LMX1B: variants seen among roughly 807,000 people sequenced by gnomAD.
LMX1B encodes the protein LIM homeobox transcription factor 1 beta, also known as LIM homeobox transcription factor 1-beta.
LMX1B carries 12 observed loss-of-function variants against 51.4 expected under a neutral mutation model. That is an observed-to-expected ratio of 0.23 (90% confidence interval 0.15 to 0.38). LMX1B has a LOEUF of 0.38. Ranked by LOEUF, LMX1B falls within the 10% of genes least tolerant of loss-of-function variation. The pLI, the probability that LMX1B is intolerant of heterozygous loss-of-function variation, is 1.00. For synonymous variants in LMX1B, 237 were observed against 235.4 expected (o/e 1.01, Z -0.06); for missense variants, 445 against 571.1 (o/e 0.78, Z 2.25).
In LMX1B at chr9:126,677,717, A is replaced by G. The variant is rs965875835; in HGVS notation, c.327-13119A>G. ...ACTGGTTCCCGTGAGTGTAACGTCT[A>G]GTAGGAGCGTCTGCCAGCTTCATTC... On this transcript the variant is annotated intron_variant, in intron 2 of 7. Transcript: ENST00000373474. This position sits in a 1 kb window ranked among gnomAD's most constrained non-coding sequence, Gnocchi z 5.0. Among the ~76,000 whole-genome samples the G allele has an allele frequency of 1.3e-5, 2 of 152,144 alleles. No individual in the cohort carries two copies. The highest frequency in any genetic ancestry group is 4.8e-5 in the African/African-American group (2 of 41,426).
chr9:126,616,413 G>C (rs927849431), intron 2 of LMX1B, among the ~76,000 whole-genome samples: 1 of 152,198 alleles, frequency 6.6e-6, no homozygotes, highest in Non-Finnish European at 1.5e-5. Flanking sequence ...GCCGGGGTTG[G>C]GGACAGACAA....
chr9:126,678,399 G>C (rs1221794498), intron 2 of LMX1B, among the ~76,000 whole-genome samples: 2 of 152,026 alleles, frequency 1.3e-5, no homozygotes, highest in African/African-American at 4.8e-5. Flanking sequence ...AGGTGTCACT[G>C]TCTTTGAGTG....
intron 2 of LMX1B, among the ~76,000 whole-genome samples, chr9:126,623,093 C>T (rs182108059): frequency 1.3e-5 from 2 of 152,344 alleles, no homozygotes; most frequent in Admixed American, 6.5e-5. Context: ...GTCTGTCCTG[C>T]GTGGGAGGCC....
In LMX1B at chr9:126,695,810, CA is replaced by C. The variant is rs2030305237; in HGVS notation, c.887-28del. 6.2e-7 allele frequency: 1 copy of C among 1,611,140 alleles called. No individual in the cohort carries two copies. The highest frequency in any genetic ancestry group is 8.5e-7 in the Non-Finnish European group (1 of 1,178,978). On this transcript the variant is annotated intron_variant, in intron 6 of 7. Transcript: ENST00000373474. The surrounding 1 kb of genome is among the most constrained non-coding windows in gnomAD (Gnocchi z 5.2). The stretch of plus-strand genomic sequence containing the variant: ...GTAGCTGGGAGGGCGTGGACCAGGC[CA>C]GGGGGTGAAGGCTCACTGTGCCCCC...
intron 2 of LMX1B, among the ~76,000 whole-genome samples, chr9:126,654,319 C>T (rs546813495): frequency 2.0e-5 from 3 of 152,262 alleles, no homozygotes; most frequent in African/African-American, 4.8e-5. Flanking sequence ...ATGCCTCCCC[C>T]ACTCCAGCCC....
intron 1 of LMX1B, among the ~76,000 whole-genome samples, chr9:126,614,978 T>C (rs1026669693): frequency 1.2e-4 from 18 of 151,892 alleles, no homozygotes; most frequent in African/African-American, 3.9e-4. Context: ...AAACCACAGA[T>C]TTTGGGGAGA....
At chr9:126,678,217 G>A (rs780494165) in intron 2 of LMX1B, among the ~76,000 whole-genome samples, 4 of 151,998 alleles carry the variant, frequency 2.6e-5, no homozygotes, top group Non-Finnish European at 4.4e-5. Context: ...GGCTAAGACA[G>A]GAGAATCGCT....
chr9:126,628,032 G>T (rs927653886), intron 2 of LMX1B, among the ~76,000 whole-genome samples: 3 of 152,156 alleles, frequency 2.0e-5, no homozygotes, highest in African/African-American at 4.8e-5. Context: ...GATTTTGAGA[G>T]TTTTCTGGAT....
chr9:126,636,770 G>C (rs752148798), intron 2 of LMX1B, among the ~76,000 whole-genome samples: 3 of 152,216 alleles, frequency 2.0e-5, no homozygotes, highest in Non-Finnish European at 4.4e-5. Flanking sequence ...GGCTCACCCA[G>C]CATCCGGCAC....
At chr9:126,696,160 C>A (rs2030324255) in intron 7 of LMX1B, 134 bp from the exon 8 acceptor site, 22 of 1,161,586 alleles carry the variant, frequency 1.9e-5, no homozygotes, top group South Asian at 9.1e-5. Flanking sequence ...GGGCCCCAGT[C>A]CTTCTTGGCC....
At chr9:126,687,204 G>C (rs1053621694) in intron 2 of LMX1B, among the ~76,000 whole-genome samples, 1 of 150,384 alleles carries the variant, frequency 6.6e-6, no homozygotes, top group African/African-American at 2.5e-5. Context: ...CCATGGTCGG[G>C]GATGATCATT....
intron 2 of LMX1B, among the ~76,000 whole-genome samples, chr9:126,668,247 G>A (rs992351459): frequency 3.9e-5 from 6 of 152,110 alleles, no homozygotes; most frequent in African/African-American, 1.2e-4. Flanking sequence ...AAGGGTGGCT[G>A]AGTCAGGCTG....
At chr9:126,687,857 C>T (rs1041286195) in intron 2 of LMX1B, among the ~76,000 whole-genome samples, 1 of 152,148 alleles carries the variant, frequency 6.6e-6, no homozygotes, top group Non-Finnish European at 1.5e-5. Flanking sequence ...CATAGTCCTC[C>T]GTGGTGGGAG....
chr9:126,679,901 T>C (rs1836641908), intron 2 of LMX1B, among the ~76,000 whole-genome samples: 1 of 152,198 alleles, frequency 6.6e-6, no homozygotes, highest in South Asian at 2.1e-4. Context: ...TCTGAACTCT[T>C]TGAAGTCTCC....
Position 126,652,507 on chromosome 9 carries a change from G to A in LMX1B, c.326+36938G>A, listed in dbSNP as rs546584318. The stretch of plus-strand genomic sequence containing the variant: ...GTGTCCACACGGGAACGTGGCTACC[G>A]CTAATGCTACGTGAATGTGCATCCC... On this transcript the variant is annotated intron_variant, in intron 2 of 7. Coordinates refer to ENST00000373474, the MANE Select transcript of LMX1B (RefSeq NM_001174147.2). Among the ~76,000 whole-genome samples, 12 of 152,372 alleles carry A rather than the reference G, an allele frequency of 7.9e-5. No homozygotes were observed. In the East Asian group the frequency reaches 1.9e-3, roughly 24 times the overall value.
intron 2 of LMX1B, among the ~76,000 whole-genome samples, chr9:126,627,962 G>A (rs1428172721): frequency 6.6e-6 from 1 of 152,166 alleles, no homozygotes; most frequent in African/African-American, 2.4e-5. Flanking sequence ...TCAGGGATGG[G>A]AAGGTTCTTC....
rs557977910 is a variant in LMX1B at position 126,635,979 on chromosome 9, A to T, written c.326+20410A>T. On this transcript the variant is annotated intron_variant, in intron 2 of 7. Transcript: ENST00000373474. ...CATGGCCCAGGGAGGAGCACTGGGG[A>T]CGAGTGATGGGAGTGGCAGCCACTT... is the stretch of plus-strand genomic sequence containing the variant. Among the ~76,000 whole-genome samples, 23 of 152,190 alleles carry T rather than the reference A, an allele frequency of 1.5e-4. No homozygotes were observed. In the East Asian group the frequency reaches 4.4e-3, roughly 29 times the overall value.
At chr9:126,648,759 G>A (rs973639562) in intron 2 of LMX1B, among the ~76,000 whole-genome samples, 3 of 152,152 alleles carry the variant, frequency 2.0e-5, no homozygotes, top group African/African-American at 7.2e-5. Context: ...ACCAGGGGTG[G>A]CAAGGCTGCC....
chr9:126,654,694 A>C (rs998904577), intron 2 of LMX1B, among the ~76,000 whole-genome samples: 3 of 152,204 alleles, frequency 2.0e-5, no homozygotes, highest in African/African-American at 7.2e-5. Context: ...GCTCTAGAGA[A>C]GGAAACGAGG....
Sources: gnomAD v4.1 joint callset for allele counts (sites outside exome capture counted in the v4.1 genomes callset) on GRCh38, gnomAD v4.1.1 for gene constraint, Gnocchi (gnomAD v3.1) non-coding constraint, MANE v1.5 for transcripts, NCBI Gene and HGNC (gene_info 2026-07-23, HGNC 2026-07-21) for gene names.